Variants in ADAMTS18 observed in about 807,000 individuals in gnomAD.
ADAMTS18 encodes A disintegrin and metalloproteinase with thrombospondin motifs 18.
ADAMTS18 carries 157 observed loss-of-function variants against 165.9 expected under a neutral mutation model. That is an observed-to-expected ratio of 0.95 (90% CI 0.83 to 1.08). The LOEUF (loss-of-function observed/expected upper bound fraction) is 1.08. Among genes scored for constraint, ADAMTS18 ranks in the 50% least tolerant of loss-of-function variants. The pLI, the probability that ADAMTS18 is intolerant of heterozygous loss-of-function variation, is 0.00. For synonymous variants in ADAMTS18, 782 were observed against 578.2 expected (o/e 1.35, Z -5.06); for missense variants, 2,040 against 1,534.0 (o/e 1.33, Z -5.51).
chr16:77,290,577 ACCCGGACT>A (rs2055342956), intron 21 of ADAMTS18: 1 of 155,002 alleles, frequency 6.5e-6, no homozygotes, highest in African/African-American at 2.4e-5. Flanking sequence ...TGATACCTCT[ACCCGGACT>A]CTGTGATTAA....
intron 12 of ADAMTS18, among the ~76,000 whole-genome samples, chr16:77,334,644 A>G (rs1274289161): frequency 8.8e-6 from 1 of 113,564 alleles, no homozygotes; most frequent in Non-Finnish European, 1.7e-5. Context: ...TATATAGTGT[A>G]TATACACTAT....
At position 77,295,025 on chromosome 16, in the gene ADAMTS18, T is replaced by C. The variant is rs1258658002; in HGVS notation, c.2904A>G (p.Glu968=). The change falls in exon 19 of 23, where the codon GAA becomes GAG. Residue 968 remains glutamate, a synonymous_variant. Coordinates refer to ENST00000282849, the MANE Select transcript of ADAMTS18 (RefSeq NM_199355.4). ...CVQKKPFQKE[E]AVLHSLCPVS... The stretch of plus-strand genomic sequence containing the variant: ...CTGGACAGAGAGAATGCAACACTGC[T>C]TCCTCCTTTTGGAAGGGCTTCTTTT... The C allele has an allele frequency of 6.2e-7, 1 of 1,614,210 alleles. No individual in the cohort carries two copies. The highest frequency in any genetic ancestry group is 1.7e-5 in the Admixed American group (1 of 60,024).
At position 77,318,024 on chromosome 16, in the gene ADAMTS18, C is replaced by T. The variant is rs543127872; in HGVS notation, c.2532+1825G>A. Reference sequence around the variant, plus strand: ...ATGTCGCTTTCCTCAGCACCAAGAACACAGTAAGTGCCAATAGTCTTATGT... The same window carrying T: ...ATGTCGCTTTCCTCAGCACCAAGAATACAGTAAGTGCCAATAGTCTTATGT... On this transcript the variant is annotated intron_variant, in intron 16 of 22. Coordinates refer to ENST00000282849, the MANE Select transcript of ADAMTS18 (RefSeq NM_199355.4). Among the ~76,000 whole-genome samples, 3 of 152,246 alleles carry T rather than the reference C, an allele frequency of 2.0e-5. No homozygotes were observed. In the South Asian group the frequency reaches 6.2e-4, roughly 32 times the overall value.
chr16:77,377,199 T>A (rs779534258), intron 3 of ADAMTS18, among the ~76,000 whole-genome samples: 9 of 152,250 alleles, frequency 5.9e-5, no homozygotes, highest in Non-Finnish European at 8.8e-5. Context: ...CTTTAAAATA[T>A]ACTCTTCATT....
chr16:77,337,439 G>C (rs544082437), intron 11 of ADAMTS18, among the ~76,000 whole-genome samples: 1 of 152,154 alleles, frequency 6.6e-6, no homozygotes, highest in Non-Finnish European at 1.5e-5. Context: ...ATTAAAAGCC[G>C]TTTTCCTCAG....
chr16:77,322,052 G>A (rs2056008611), intron 14 of ADAMTS18, among the ~76,000 whole-genome samples: 2 of 151,424 alleles, frequency 1.3e-5, no homozygotes, highest in South Asian at 2.1e-4. Flanking sequence ...CTACTCAGGA[G>A]GCTGAGGCAG....
intron 9 of ADAMTS18, 44 bp from the exon 10 acceptor site, chr16:77,353,930 G>C: frequency 2.5e-6 from 4 of 1,611,902 alleles, no homozygotes; most frequent in Non-Finnish European, 2.5e-6. Context: ...GTTGATCTGT[G>C]ATCTTTCCAT....
At chr16:77,365,251 T>C (rs901892409) in intron 4 of ADAMTS18, among the ~76,000 whole-genome samples, 4 of 152,150 alleles carry the variant, frequency 2.6e-5, no homozygotes, top group African/African-American at 9.7e-5. Flanking sequence ...GGGAGAAATT[T>C]TGAAAGCAGA....
chr16:77,422,115 G>A (rs146539938), intron 3 of ADAMTS18, among the ~76,000 whole-genome samples: 496 of 152,072 alleles, frequency 3.3e-3, no homozygotes, highest in African/African-American at 0.012. Context: ...GCTATGCATC[G>A]TTCCAGACCT....
Position 77,430,292 on chromosome 16 carries a change from T to C in ADAMTS18, c.495+1003A>G, listed in dbSNP as rs747110554. 5.3e-5 allele frequency among the ~76,000 whole-genome samples: 8 copies of C among 152,206 alleles called. 1 individual carries two copies. The highest frequency in any genetic ancestry group is 2.6e-4 in the Admixed American group (4 of 15,286). On this transcript the variant is annotated intron_variant, in intron 3 of 22. Coordinates refer to ENST00000282849, the MANE Select transcript of ADAMTS18 (RefSeq NM_199355.4). ...ATAGACCAAAGAAAGAATACCGTGA[T>C]TGTGGTTGTAATGAAAGGTTTTAGC...
chr16:77,375,418 T>C (rs1330657404), intron 3 of ADAMTS18, among the ~76,000 whole-genome samples: 1 of 152,002 alleles, frequency 6.6e-6, no homozygotes, highest in Non-Finnish European at 1.5e-5. Context: ...AAGAGCAAAG[T>C]TCCATGAGAT....
At chr16:77,362,460 TG>T (rs1430227372) in intron 6 of ADAMTS18, among the ~76,000 whole-genome samples, 196 bp from the exon 7 acceptor site, 1 of 152,252 alleles carries the variant, frequency 6.6e-6, no homozygotes, top group Non-Finnish European at 1.5e-5. Flanking sequence ...ACAAAGTTTC[TG>T]TAGTGTGATT....
At chr16:77,322,220 T>A in intron 14 of ADAMTS18, 116 bp downstream of exon 14, 7 of 1,056,022 alleles carry the variant, frequency 6.6e-6, no homozygotes, top group East Asian at 6.3e-5. Context: ...GCTCTTTCGC[T>A]CCATGCCACC....
intron 12 of ADAMTS18, among the ~76,000 whole-genome samples, chr16:77,334,226 T>TATATAATATATAGTGTTATATATTAC (rs1567491109): frequency 2.6e-5 from 2 of 77,374 alleles, no homozygotes; most frequent in African/African-American, 5.2e-5. Context: ...TTATATATTA[T>TATATAATATATAGTGTTATATATTAC]ATATAATATA....
At chr16:77,371,045 T>G (rs1277076304) in intron 3 of ADAMTS18, among the ~76,000 whole-genome samples, 1 of 152,082 alleles carries the variant, frequency 6.6e-6, no homozygotes, top group African/African-American at 2.4e-5. Flanking sequence ...TGAAACCCTG[T>G]CTCTACAAAA....
At chr16:77,361,206 G>T (rs2056708267) in intron 7 of ADAMTS18, among the ~76,000 whole-genome samples, 1 of 150,750 alleles carries the variant, frequency 6.6e-6, no homozygotes, top group African/African-American at 2.5e-5. Flanking sequence ...ACAGAGACCT[G>T]TGGCCTGCAT....
chr16:77,364,901 T>G (rs981676234), intron 4 of ADAMTS18, among the ~76,000 whole-genome samples: 7 of 151,466 alleles, frequency 4.6e-5, no homozygotes, highest in African/African-American at 1.2e-4. Context: ...AGGTCAGGAG[T>G]TTGACACCAG....
chr16:77,397,800 G>T (rs1324264691), intron 3 of ADAMTS18, among the ~76,000 whole-genome samples: 1 of 152,190 alleles, frequency 6.6e-6, no homozygotes, highest in Non-Finnish European at 1.5e-5. Context: ...AAAACTCAAA[G>T]CAGGCAACAC....
rs538039525 is a variant in ADAMTS18, at chr16:77,367,536, G to T, written c.683C>A (p.Ser228Tyr). 34 of 1,614,242 alleles carry T rather than the reference G, an allele frequency of 2.1e-5. No individual in the cohort carries two copies. In the African/African-American group the frequency reaches 4.0e-4, roughly 19 times the overall value. Residue 228 changes from serine to tyrosine, a missense_variant, in exon 4 of 23, where the codon TCC becomes TAC. Transcript: ENST00000282849. Reference protein sequence around the residue: ...PGSGRNYPGYSPSHIPHASQS... With the variant: ...PGSGRNYPGYYPSHIPHASQS... ...AGATGCATGGGGAATGTGACTTGGGGAGTAACCAGGATAATTCCGGCCAGA... is the reference window on the plus strand; with the variant it reads ...AGATGCATGGGGAATGTGACTTGGGTAGTAACCAGGATAATTCCGGCCAGA...
Sources: gnomAD v4.1 joint callset for allele counts (sites outside exome capture counted in the v4.1 genomes callset) on GRCh38, gnomAD v4.1.1 for gene constraint, MANE v1.5 for transcripts, NCBI Gene and HGNC (gene_info 2026-07-23, HGNC 2026-07-21) for gene names.